Variants in MYO18A observed in about 807,000 individuals in gnomAD.
The protein encoded by MYO18A is unconventional myosin-XVIIIa.
MYO18A carries 78 observed loss-of-function variants against 235.8 expected under a neutral mutation model. That is an observed-to-expected ratio of 0.33 (90% CI 0.28 to 0.40). The LOEUF (loss-of-function observed/expected upper bound fraction) is 0.40. MYO18A is among the 10% of genes least tolerant of loss of function. The pLI, the probability that MYO18A is intolerant of heterozygous loss-of-function variation, is 1.00. For missense variants in MYO18A, 2,215 were observed against 2,699.3 expected, an observed-to-expected ratio of 0.82 and a Z score of 3.98; for synonymous variants, 977 against 1,077.8, an observed-to-expected ratio of 0.91 and a Z score of 1.83.
At chr17:29,090,439 G>A (rs1038289206) in intron 36 of MYO18A, 93 bp downstream of exon 36, 1 of 1,162,482 alleles carries the variant, frequency 8.6e-7, no homozygotes, top group Non-Finnish European at 1.2e-6. Context: ...TGATGGCAGA[G>A]AAAAGCGCCT....
chr17:29,099,015 C>T, intron 22 of MYO18A, 46 bp from the exon 23 acceptor site: 4 of 1,607,492 alleles, frequency 2.5e-6, no homozygotes, highest in Non-Finnish European at 3.4e-6. Context: ...CTCAGTCACC[C>T]TGGCCAAGCT....
In MYO18A at chr17:29,106,973, A is replaced by C; in HGVS notation, c.3441+107T>G. On this transcript the variant is annotated intron_variant, in intron 20 of 41. Transcript: ENST00000527372. This position sits in a 1 kb window ranked among gnomAD's most constrained non-coding sequence, Gnocchi z 4.6. ...TGCTTCCAAAACTGGGAGCCTGAGC[A>C]GGGCCAGATGAGCTGTCTCCAGGGA... 1 of 1,093,564 alleles carries C rather than the reference A, an allele frequency of 9.1e-7. No homozygotes were observed. The highest frequency in any genetic ancestry group is 1.4e-6 in the Non-Finnish European group (1 of 727,310). 67.7% of individuals were successfully genotyped at this position (1,093,564 alleles called of 1,614,324 possible). A position where few individuals can be genotyped will look rare whatever the true frequency, so the allele number is the denominator to read the frequency against.
intron 7 of MYO18A, 87 bp from the exon 8 acceptor site, chr17:29,119,522 G>T: frequency 1.1e-6 from 1 of 905,614 alleles, no homozygotes; most frequent in Non-Finnish European, 1.7e-6. Context: ...CAAACACATG[G>T]TCCTCTAGGC....
intron 41 of MYO18A, among the ~76,000 whole-genome samples, chr17:29,081,894 A>T (rs2066133152): frequency 6.6e-6 from 1 of 152,152 alleles, no homozygotes; most frequent in African/African-American, 2.4e-5. Flanking sequence ...CTGGGTCAAG[A>T]ATCAGTGGAA....
At position 29,121,741 on chromosome 17, in the gene MYO18A, C is replaced by T. The variant is rs748776252; in HGVS notation, c.1195-18G>A. On this transcript the variant is annotated intron_variant, in intron 4 of 41. Coordinates refer to ENST00000527372, the MANE Select transcript of MYO18A (RefSeq NM_078471.4). This position sits in a 1 kb window ranked among gnomAD's most constrained non-coding sequence, Gnocchi z 4.2. ...GCATTAGCCTGTGTGGGAGGACAGGCGGGTGGGTATTAGAGCAGCAGAGCC... is the reference window on the plus strand; with the variant it reads ...GCATTAGCCTGTGTGGGAGGACAGGTGGGTGGGTATTAGAGCAGCAGAGCC... 7 of 1,573,008 alleles carry T rather than the reference C, an allele frequency of 4.5e-6. No individual in the cohort carries two copies. Among genetic ancestry groups the T allele is most frequent in the Middle Eastern group, 1.7e-4 (1 of 6,016 alleles).
intron 40 of MYO18A, 98 bp downstream of exon 40, chr17:29,085,506 C>A: frequency 9.4e-7 from 1 of 1,065,500 alleles, no homozygotes; most frequent in Non-Finnish European, 1.4e-6. Flanking sequence ...AGGCTGTATC[C>A]ACATGCTGCG....
chr17:29,107,351 T>C lies in MYO18A; in HGVS notation c.3332-162A>G, dbSNP rs1166703655. The C allele has an allele frequency of 1.5e-4, 94 of 643,580 alleles. No homozygotes were observed. In the South Asian group the frequency reaches 1.7e-3, roughly 11 times the overall value. The allele number at this position is 643,580 out of a possible 1,614,324, so 39.9% of individuals were successfully genotyped here. On this transcript the variant is annotated intron_variant, in intron 19 of 41. Coordinates refer to ENST00000527372, the MANE Select transcript of MYO18A (RefSeq NM_078471.4). Reference sequence around the variant, plus strand: ...AGGCAGGCCTAGAAAGGAGAGGGGGTAGGCAGGGAAGAGGAAGAGAAGGTC... The same window carrying C: ...AGGCAGGCCTAGAAAGGAGAGGGGGCAGGCAGGGAAGAGGAAGAGAAGGTC...
In MYO18A at chr17:29,086,993, C is replaced by T. The variant is rs766392485; in HGVS notation, c.5655G>A (p.Glu1885=). 1 of 1,614,030 alleles carries T rather than the reference C, an allele frequency of 6.2e-7. No homozygotes were observed. The highest frequency in any genetic ancestry group is 8.5e-7 in the Non-Finnish European group (1 of 1,179,882). The change falls in exon 38 of 42, where the codon GAG becomes GAA. Residue 1885 remains glutamate (E), a synonymous_variant. Transcript: ENST00000527372. ...RLQRQLRDTK[E]EMGELARKEA... is the part of the protein sequence containing the mutation. ...CCTTCCTGGCAAGCTCGCCCATCTC[C>T]TCCTTGGTGTCCCGGAGCTGCCTCT...
chr17:29,103,727 T>A, intron 20 of MYO18A, 63 bp from the exon 21 acceptor site: 2 of 1,538,274 alleles, frequency 1.3e-6, no homozygotes, highest in Non-Finnish European at 1.8e-6. Context: ...CAGGGCTTTC[T>A]CCAGGCCCTT....
At chr17:29,094,384 G>A in intron 30 of MYO18A, 1 of 600,976 alleles carries the variant, frequency 1.7e-6, no homozygotes, top group Non-Finnish European at 2.9e-6. Context: ...CAGGCTGGGT[G>A]GGCCTGTGGC....
At chr17:29,162,854 G>A (rs773922911) in intron 2 of MYO18A, among the ~76,000 whole-genome samples, 4 of 152,184 alleles carry the variant, frequency 2.6e-5, no homozygotes, top group Admixed American at 6.5e-5. Context: ...TGCTCCCAGC[G>A]GAACCTCATC....
intron 34 of MYO18A, among the ~76,000 whole-genome samples, 157 bp downstream of exon 34, chr17:29,092,186 G>A (rs910131650): frequency 6.6e-6 from 1 of 152,216 alleles, no homozygotes; most frequent in Non-Finnish European, 1.5e-5. Flanking sequence ...AGACGCAGAG[G>A]AGGGGAGGCC....
chr17:29,094,676 C>T lies in MYO18A; in HGVS notation c.4684G>A (p.Ala1562Thr). Residue 1562 changes from alanine to threonine, a missense_variant, in exon 30 of 42, where the codon GCA becomes ACA. By Grantham distance (58) the Ala-to-Thr change is moderately conservative. Coordinates refer to ENST00000527372, the MANE Select transcript of MYO18A (RefSeq NM_078471.4). ...KDQEEELDEQ[A>T]GTIQMLEQAK... ...TGTTCCAGCATCTGGATGGTCCCTGCCTGCTCATCCAGCTCTTCTTCCTGA... is the reference window on the plus strand; with the variant it reads ...TGTTCCAGCATCTGGATGGTCCCTGTCTGCTCATCCAGCTCTTCTTCCTGA... 1 of 1,614,034 alleles carries T rather than the reference C, an allele frequency of 6.2e-7. No homozygotes were observed. Among genetic ancestry groups the T allele is most frequent in the East Asian group, 2.2e-5 (1 of 44,888 alleles).
intron 1 of MYO18A, among the ~76,000 whole-genome samples, chr17:29,173,544 C>T (rs1299165406): frequency 2.0e-5 from 3 of 151,724 alleles, no homozygotes; most frequent in Non-Finnish European, 4.4e-5. Flanking sequence ...CCCGCCACCG[C>T]GCCTGGCTAA....
intron 21 of MYO18A, among the ~76,000 whole-genome samples, chr17:29,102,795 T>C (rs1251840987): frequency 6.6e-6 from 1 of 152,164 alleles, no homozygotes; most frequent in Non-Finnish European, 1.5e-5. Context: ...CAAGTGAGAC[T>C]CAAGCCTCTG....
chr17:29,147,533 C>G (rs916787698), intron 2 of MYO18A, among the ~76,000 whole-genome samples: 1 of 150,718 alleles, frequency 6.6e-6, no homozygotes, highest in East Asian at 2.0e-4. Flanking sequence ...AAACAAAAAA[C>G]AAAAACCAAA....
At position 29,097,307 on chromosome 17, in the gene MYO18A, C is replaced by T; in HGVS notation, c.4146G>A (p.Val1382=). ...GCTGGAGCCGTTTCTTGGTGAAGTC[C>T]ACCTCCCGCACAGCCCGCTCATACT... is the stretch of plus-strand genomic sequence containing the variant. ...RLKYERAVRE[V]DFTKKRLQQE... Residue 1382 remains valine, a synonymous_variant, in exon 27 of 42, where the codon GTG becomes GTA. Transcript: ENST00000527372. The T allele has an allele frequency of 6.2e-7, 1 of 1,610,638 alleles. No homozygotes were observed. The highest frequency in any genetic ancestry group is 1.1e-5 in the South Asian group (1 of 91,082).
Position 29,140,586 on chromosome 17 carries a change from T to C in MYO18A, c.1000-18333A>G. On this transcript the variant is annotated intron_variant, in intron 2 of 41. Transcript: ENST00000527372. This position sits in a 1 kb window ranked among gnomAD's most constrained non-coding sequence, Gnocchi z 4.2. Reference sequence around the variant, plus strand: ...GTGTGGAAGGGAAGGAGAAGGCTCTTAGGGTAAAGCCATTGGGGTGGGGGG... The same window carrying C: ...GTGTGGAAGGGAAGGAGAAGGCTCTCAGGGTAAAGCCATTGGGGTGGGGGG... 3.4e-6 allele frequency: 1 copy of C among 294,028 alleles called. No individual in the cohort carries two copies. The allele number at this position is 294,028 out of a possible 1,614,324, so 18.2% of individuals were successfully genotyped here.
rs199804773 is a variant in MYO18A, at chr17:29,166,052, G to T, written c.889C>A (p.Arg297=). ...KSRDEIVEMI[R]QSGDSVRLKV... is the part of the protein sequence containing the mutation. ...AGCCGCACGCTGTCCCCTGACTGCC[G>T]GATCATCTCCACAATCTCATCCCTG... The change falls in exon 2 of 42, where the codon CGG becomes AGG. Residue 297 remains arginine, a synonymous_variant. Coordinates refer to ENST00000527372, the MANE Select transcript of MYO18A (RefSeq NM_078471.4). 8.1e-5 allele frequency: 130 copies of T among 1,613,710 alleles called. No individual in the cohort carries two copies. The African/African-American group carries it at 1.3e-3, about 16-fold the overall frequency.
Sources: gnomAD v4.1 joint callset for allele counts (sites outside exome capture counted in the v4.1 genomes callset) on GRCh38, gnomAD v4.1.1 for gene constraint, Gnocchi (gnomAD v3.1) non-coding constraint, MANE v1.5 for transcripts, NCBI Gene and HGNC (gene_info 2026-07-23, HGNC 2026-07-21) for gene names.